KIAA1958: variants seen among roughly 807,000 people sequenced by gnomAD.
KIAA1958 encodes uncharacterized protein KIAA1958.
In KIAA1958, 14 loss-of-function variants were observed where a neutral mutation model predicts 47.2. That is an observed-to-expected ratio of 0.30 (90% CI 0.20 to 0.46). KIAA1958 has a LOEUF of 0.46. KIAA1958 is among the 20% of genes least tolerant of loss of function. The probability of loss-of-function intolerance (pLI) is 1.00; values close to 1 mark genes in which losing one functional copy is unlikely to be tolerated. For synonymous variants in KIAA1958, 354 were observed against 353.3 expected, an observed-to-expected ratio of 1.00 and a Z score of -0.02; for missense variants, 803 against 909.2, an observed-to-expected ratio of 0.88 and a Z score of 1.50.
intron 2 of KIAA1958, among the ~76,000 whole-genome samples, chr9:112,607,634 A>G (rs954775305): frequency 2.0e-5 from 3 of 151,772 alleles, no homozygotes; most frequent in Admixed American, 1.3e-4. Context: ...ATGGCTTGAA[A>G]GGATATACTC....
At chr9:112,515,980 A>G (rs1834426350) in intron 1 of KIAA1958, among the ~76,000 whole-genome samples, 1 of 151,984 alleles carries the variant, frequency 6.6e-6, no homozygotes, top group Non-Finnish European at 1.5e-5. Flanking sequence ...ACAGTGAAAT[A>G]AAGGAAGATA....
chr9:112,656,497 G>A (rs1242644250), intron 3 of KIAA1958, among the ~76,000 whole-genome samples: 1 of 151,962 alleles, frequency 6.6e-6, no homozygotes, highest in Non-Finnish European at 1.5e-5. Flanking sequence ...CCCTCGCTGT[G>A]GGTGGTACTA....
At position 112,487,082 on chromosome 9, in the gene KIAA1958, A is replaced by G; in HGVS notation, c.-61A>G. 4.4e-6 allele frequency: 1 copy of G among 224,792 alleles called. No homozygotes were observed. The highest frequency in any genetic ancestry group is 9.1e-6 in the Non-Finnish European group (1 of 110,422). 13.9% of individuals were successfully genotyped at this position (224,792 alleles called of 1,614,324 possible). A position where few individuals can be genotyped will look rare whatever the true frequency, so the allele number is the denominator to read the frequency against. ...GGCTCTCGCAGGCCCCCCCGCGCCGACCGCGTTCCTATGGACAGACGCACA... is the reference window on the plus strand; with the variant it reads ...GGCTCTCGCAGGCCCCCCCGCGCCGGCCGCGTTCCTATGGACAGACGCACA... On this transcript the variant is annotated 5_prime_UTR_variant, in exon 1 of 4. Transcript: ENST00000337530.
Position 112,550,585 on chromosome 9 carries a change from T to G in KIAA1958, c.-24-23472T>G, listed in dbSNP as rs564011515. Among the ~76,000 whole-genome samples, 86 of 152,238 alleles carry G rather than the reference T, an allele frequency of 5.6e-4. 1 individual carries two copies. Among genetic ancestry groups the G allele is most frequent in the African/African-American group, 2.1e-3 (86 of 41,538 alleles). ...GTTACTACAGCGAAAGAATACAGAT[T>G]AAAATCAGTGCAGGGAAAAGGCAGA... On this transcript the variant is annotated intron_variant, in intron 1 of 3. Coordinates refer to ENST00000337530, the MANE Select transcript of KIAA1958 (RefSeq NM_133465.4).
At chr9:112,514,990 T>G (rs1418385678) in intron 1 of KIAA1958, among the ~76,000 whole-genome samples, 1 of 47,140 alleles carries the variant, frequency 2.1e-5, no homozygotes. Context: ...GGTGGGGGGG[T>G]CGGCCCCCCG....
rs552777642 is a variant in KIAA1958 at position 112,605,107 on chromosome 9, T to C, written c.1171+29856T>C. The stretch of plus-strand genomic sequence containing the variant: ...TATTTAGAGAGAGAGAGAAGCTGTC[T>C]GCTTTAACACTTTGCTAAAGCTGTC... On this transcript the variant is annotated intron_variant, in intron 2 of 3. Coordinates refer to ENST00000337530, the MANE Select transcript of KIAA1958 (RefSeq NM_133465.4). Among the ~76,000 whole-genome samples the C allele has an allele frequency of 7.3e-5, 11 of 150,844 alleles. No homozygotes were observed. The South Asian group carries it at 2.3e-3, about 31-fold the overall frequency.
intron 2 of KIAA1958, among the ~76,000 whole-genome samples, chr9:112,580,786 C>CA (rs11290337): frequency 1.1e-3 from 164 of 146,776 alleles, no homozygotes; most frequent in Middle Eastern, 0.011. Context: ...GACTCCATCT[C>CA]AAAAAAAAAA....
intron 1 of KIAA1958, among the ~76,000 whole-genome samples, chr9:112,488,263 T>TTCCAC (rs1412015949): frequency 2.0e-5 from 3 of 152,214 alleles, no homozygotes; most frequent in African/African-American, 7.2e-5. Flanking sequence ...TCCACGTATA[T>TTCCAC]AACCCAACGA....
At chr9:112,539,268 A>C (rs1035807556) in intron 1 of KIAA1958, among the ~76,000 whole-genome samples, 1 of 152,218 alleles carries the variant, frequency 6.6e-6, no homozygotes, top group African/African-American at 2.4e-5. Context: ...AGCATTATTG[A>C]TAACAGAAGG....
chr9:112,584,011 A>C (rs147250250), intron 2 of KIAA1958, among the ~76,000 whole-genome samples: 44 of 152,204 alleles, frequency 2.9e-4, no homozygotes, highest in Middle Eastern at 3.4e-3. Flanking sequence ...GGCTGCAGTG[A>C]GCTATGATTG....
At chr9:112,495,972 A>G (rs1176085167) in intron 1 of KIAA1958, among the ~76,000 whole-genome samples, 1 of 152,194 alleles carries the variant, frequency 6.6e-6, no homozygotes, top group Non-Finnish European at 1.5e-5. Context: ...GCCAATGACC[A>G]GTACTTACTG....
At chr9:112,639,281 T>C (rs1009864160) in intron 2 of KIAA1958, among the ~76,000 whole-genome samples, 2 of 152,142 alleles carry the variant, frequency 1.3e-5, no homozygotes, top group African/African-American at 4.8e-5. Context: ...CCTTGCCCAC[T>C]CAGACTCCAA....
chr9:112,554,435 T>C (rs1408727526), intron 1 of KIAA1958, among the ~76,000 whole-genome samples: 1 of 151,892 alleles, frequency 6.6e-6, no homozygotes, highest in East Asian at 1.9e-4. Context: ...GAGGCAGAGG[T>C]TGCAGTGAGC....
Position 112,575,220 on chromosome 9 carries a change from A to G in KIAA1958, c.1140A>G (p.Ile380Met). Reference sequence around the variant, plus strand: ...AGCAGCCCCCAGTCGCTCCAGCCATAACCACTGAGGCCACAGCACAGTGCA... The same window carrying G: ...AGCAGCCCCCAGTCGCTCCAGCCATGACCACTGAGGCCACAGCACAGTGCA... ...SQQQPPVAPA[I>M]TTEATAQCIP... The change falls in exon 2 of 4, where the codon ATA (isoleucine) becomes ATG (methionine). Residue 380 changes from isoleucine (I) to methionine (M), a missense_variant. Ile to Met is a conservative substitution (Grantham distance 10). Coordinates refer to ENST00000337530, the MANE Select transcript of KIAA1958 (RefSeq NM_133465.4). The G allele has an allele frequency of 1.3e-6, 2 of 1,572,020 alleles. No individual in the cohort carries two copies.
chr9:112,604,714 A>G (rs1304561829), intron 2 of KIAA1958, among the ~76,000 whole-genome samples: 5 of 152,064 alleles, frequency 3.3e-5, no homozygotes, highest in East Asian at 3.8e-4. Flanking sequence ...AAAACCATGC[A>G]TGTCCAGAAG....
chr9:112,491,066 C>T (rs1451355422), intron 1 of KIAA1958, among the ~76,000 whole-genome samples: 1 of 152,164 alleles, frequency 6.6e-6, no homozygotes, highest in Non-Finnish European at 1.5e-5. Flanking sequence ...CTCCTGGGCC[C>T]AAAGGATCAC....
chr9:112,559,512 A>G (rs1005086707), intron 1 of KIAA1958, among the ~76,000 whole-genome samples: 2 of 152,194 alleles, frequency 1.3e-5, no homozygotes, highest in African/African-American at 4.8e-5. Flanking sequence ...GAATGTCTTG[A>G]TATAGAGGTT....
At chr9:112,658,522 T>C (rs1837194193) in intron 3 of KIAA1958, among the ~76,000 whole-genome samples, 8 of 152,196 alleles carry the variant, frequency 5.3e-5, no homozygotes. Flanking sequence ...AGTGTGTATA[T>C]ATAGATGTAT....
At chr9:112,587,814 A>C (rs1835851752) in intron 2 of KIAA1958, among the ~76,000 whole-genome samples, 1 of 152,218 alleles carries the variant, frequency 6.6e-6, no homozygotes, top group African/African-American at 2.4e-5. Context: ...AGCTCTTCAA[A>C]GGAAACTTGT....
Sources: gnomAD v4.1 joint callset for allele counts (sites outside exome capture counted in the v4.1 genomes callset) on GRCh38, gnomAD v4.1.1 for gene constraint, MANE v1.5 for transcripts, NCBI Gene and HGNC (gene_info 2026-07-23, HGNC 2026-07-21) for gene names.